The following MLF1 variants were observed in gnomAD, a reference collection of about 807,000 sequenced individuals.
MLF1 encodes myeloid leukemia factor 1.
In MLF1, 37 loss-of-function variants were observed where a neutral mutation model predicts 38.3. The ratio of observed to expected loss-of-function variants is 0.96; its 90% CI spans 0.74 to 1.27. The LOEUF is 1.27. Ranked by LOEUF, MLF1 falls within the 50% of genes most tolerant of loss-of-function variation. The pLI, the probability that MLF1 is intolerant of heterozygous loss-of-function variation, is 0.00. For synonymous variants in MLF1, 95 were observed against 106.5 expected, an observed-to-expected ratio of 0.89 and a Z score of 0.66; for missense variants, 331 against 349.2, an observed-to-expected ratio of 0.95 and a Z score of 0.42.
intron 1 of MLF1, among the ~76,000 whole-genome samples, chr3:158,576,671 A>ATTT (rs11341425): frequency 5.3e-5 from 7 of 132,736 alleles, no homozygotes; most frequent in Non-Finnish European, 4.7e-5. Flanking sequence ...GTCAACCTTA[A>ATTT]TTTTTTTTTT....
chr3:158,580,665 C>G (rs991363381), intron 1 of MLF1, among the ~76,000 whole-genome samples: 12 of 151,774 alleles, frequency 7.9e-5, no homozygotes, highest in Non-Finnish European at 1.6e-4. Context: ...CTACAAGAAT[C>G]TGGTATGTGG....
chr3:158,581,544 G>A (rs542357615), intron 1 of MLF1, among the ~76,000 whole-genome samples: 34 of 152,278 alleles, frequency 2.2e-4, no homozygotes, highest in Admixed American at 9.2e-4. Context: ...GCCAAAGACT[G>A]TGAGTTAATC....
At chr3:158,582,329 A>G (rs528491259) in intron 1 of MLF1, among the ~76,000 whole-genome samples, 1 of 152,130 alleles carries the variant, frequency 6.6e-6, no homozygotes, top group Admixed American at 6.5e-5. Context: ...AAAAAAACCC[A>G]TAATATCCAA....
intron 1 of MLF1, among the ~76,000 whole-genome samples, chr3:158,584,985 C>T (rs1224601760): frequency 7.0e-6 from 1 of 143,684 alleles, no homozygotes; most frequent in African/African-American, 2.6e-5. Context: ...TTGCAGTGAG[C>T]CAAGATCATG....
At chr3:158,588,450 A>G (rs1717594903) in intron 1 of MLF1, among the ~76,000 whole-genome samples, 1 of 152,152 alleles carries the variant, frequency 6.6e-6, no homozygotes, top group African/African-American at 2.4e-5. Flanking sequence ...AAGTACAAAA[A>G]ATTAGCTGGG....
At chr3:158,592,618 C>T (rs750829824) in intron 2 of MLF1, 37 bp downstream of exon 2, 1 of 1,530,968 alleles carries the variant, frequency 6.5e-7, no homozygotes, top group South Asian at 1.2e-5. Flanking sequence ...GTGAGAAGGC[C>T]CTGTAGGAAT....
chr3:158,585,137 T>C (rs1189185962), intron 1 of MLF1, among the ~76,000 whole-genome samples: 1 of 151,952 alleles, frequency 6.6e-6, no homozygotes, highest in East Asian at 1.9e-4. Context: ...TCCCTAACAT[T>C]GGTAGTGGGA....
chr3:158,583,448 A>G (rs1053998197), intron 1 of MLF1, among the ~76,000 whole-genome samples: 2 of 152,234 alleles, frequency 1.3e-5, no homozygotes, highest in Non-Finnish European at 1.5e-5. Flanking sequence ...GGAAAGAAAG[A>G]AAGGGAAGAA....
At chr3:158,579,483 C>A (rs1716001257) in intron 1 of MLF1, among the ~76,000 whole-genome samples, 1 of 152,164 alleles carries the variant, frequency 6.6e-6, no homozygotes, top group Non-Finnish European at 1.5e-5. Flanking sequence ...TTCCAACAGG[C>A]AGTCATTTGT....
At chr3:158,574,570 A>C (rs1576637558) in intron 1 of MLF1, among the ~76,000 whole-genome samples, 1 of 150,802 alleles carries the variant, frequency 6.6e-6, no homozygotes, top group Non-Finnish European at 1.5e-5. Context: ...TATACTCCCA[A>C]CTACTTGGGA....
At chr3:158,588,661 T>C (rs2108603537) in intron 1 of MLF1, among the ~76,000 whole-genome samples, 1 of 151,958 alleles carries the variant, frequency 6.6e-6, no homozygotes. Flanking sequence ...GTCATCAGTT[T>C]TGTTGCTTTC....
intron 1 of MLF1, among the ~76,000 whole-genome samples, chr3:158,587,729 G>A (rs965030508): frequency 3.3e-5 from 5 of 152,110 alleles, no homozygotes; most frequent in Non-Finnish European, 7.4e-5. Flanking sequence ...GGCCTGGTGC[G>A]GTGGCCCACG....
intron 1 of MLF1, among the ~76,000 whole-genome samples, chr3:158,572,847 G>A (rs566022354): frequency 9.3e-5 from 14 of 151,342 alleles, no homozygotes; most frequent in Middle Eastern, 3.4e-3. Context: ...GAGAGTTGAG[G>A]GCCCCAGGTA....
At chr3:158,587,068 A>G (rs570220423) in intron 1 of MLF1, among the ~76,000 whole-genome samples, 3 of 152,360 alleles carry the variant, frequency 2.0e-5, no homozygotes, top group African/African-American at 7.2e-5. Flanking sequence ...TTGAATGCAG[A>G]TTCCTGATAA....
intron 3 of MLF1, among the ~76,000 whole-genome samples, chr3:158,594,964 TA>T (rs1331688443): frequency 6.6e-6 from 1 of 152,158 alleles, no homozygotes. Flanking sequence ...GAGCTAGAGA[TA>T]ATTTATTCAT....
chr3:158,598,150 G>A lies in MLF1; in HGVS notation c.395G>A (p.Gly132Glu), dbSNP rs1329604377. Residue 132 changes from glycine to glutamate, a missense_variant, in exon 5 of 8, where the codon GGA becomes GAA. Coordinates refer to ENST00000466246, the MANE Select transcript of MLF1 (RefSeq NM_001369783.1). ...TCAGTTATGACTTATTCCAAAATAG[G>A]AGATGAACCGCCAAAGGTTTTTCAG... is the stretch of plus-strand genomic sequence containing the variant. ...SSSVMTYSKIGDEPPKVFQAS... is the reference protein window; with the variant it reads ...SSSVMTYSKIEDEPPKVFQAS... 1 of 1,613,850 alleles carries A rather than the reference G, an allele frequency of 6.2e-7. No homozygotes were observed. Among genetic ancestry groups the A allele is most frequent in the East Asian group, 2.2e-5 (1 of 44,852 alleles).
rs35608474 is a variant in MLF1, at chr3:158,580,787, GAAA to G, written c.47+9455_47+9457del. On this transcript the variant is annotated intron_variant, in intron 1 of 7. Coordinates refer to ENST00000466246, the MANE Select transcript of MLF1 (RefSeq NM_001369783.1). ...ACATGGCAAAATCCTGTCTCTACCA[GAAA>G]AAAAAAAAAAAAAATTATCCAGGCA... Among the ~76,000 whole-genome samples the G allele has an allele frequency of 6.8e-5, 9 of 132,142 alleles. No homozygotes were observed. In the East Asian group the frequency reaches 9.4e-4, roughly 14 times the overall value. 86.7% of individuals were successfully genotyped at this position (132,142 alleles called of 152,430 possible). A position where few individuals can be genotyped will look rare whatever the true frequency, so the allele number is the denominator to read the frequency against.
chr3:158,584,658 A>AGT (rs56885799), intron 1 of MLF1, among the ~76,000 whole-genome samples: 4,362 of 134,308 alleles, frequency 0.032, 72 homozygotes, highest in Middle Eastern at 0.075. Context: ...CCATAAAGAA[A>AGT]GTGTGTGTGT....
chr3:158,590,812 C>G (rs1247780308), intron 1 of MLF1: 1 of 452,972 alleles, frequency 2.2e-6, no homozygotes, highest in Non-Finnish European at 4.4e-6. Flanking sequence ...GAGGTTATGA[C>G]TGCACTTTTT....
Sources: gnomAD v4.1 joint callset for allele counts (sites outside exome capture counted in the v4.1 genomes callset) on GRCh38, gnomAD v4.1.1 for gene constraint, MANE v1.5 for transcripts, NCBI Gene and HGNC (gene_info 2026-07-23, HGNC 2026-07-21) for gene names.